Variants in RBFOX1 observed in about 807,000 individuals in gnomAD.
RBFOX1 encodes the protein RNA binding fox-1 homolog 1, also known as RNA binding protein fox-1 homolog 1.
RBFOX1 carries 8 observed loss-of-function variants against 57.7 expected under a neutral mutation model. The observed-to-expected ratio is 0.14, with a 90% CI of 0.08 to 0.25. The LOEUF (loss-of-function observed/expected upper bound fraction) is 0.25, where lower values mean the gene tolerates loss of function less well. Among genes scored for constraint, RBFOX1 ranks in the 10% least tolerant of loss-of-function variants. RBFOX1 has a pLI of 1.00. For missense variants in RBFOX1, 611 were observed against 548.5 expected (o/e 1.11, Z -1.14); for synonymous variants, 326 against 222.4 (o/e 1.47, Z -4.15).
chr16:5,781,275 A>G (rs2054314282), intron 3 of RBFOX1, among the ~76,000 whole-genome samples: 1 of 152,160 alleles, frequency 6.6e-6, no homozygotes, highest in Admixed American at 6.6e-5. Context: ...GTACAGTTTC[A>G]ATTTGCTTAG....
intron 2 of RBFOX1, among the ~76,000 whole-genome samples, chr16:6,406,634 T>C (rs1488049240): frequency 6.6e-6 from 1 of 151,738 alleles, no homozygotes; most frequent in Non-Finnish European, 1.5e-5. Flanking sequence ...TCTGCAGTAA[T>C]AGAATTTTGA....
chr16:5,341,416 A>G (rs1379979763), intron 1 of RBFOX1, among the ~76,000 whole-genome samples: 5 of 152,182 alleles, frequency 3.3e-5, no homozygotes, highest in Non-Finnish European at 7.3e-5. Flanking sequence ...CATGGGGGGT[A>G]GAATGTCGTG....
At chr16:7,663,504 C>CGTGTGT (rs57358282) in intron 12 of RBFOX1, among the ~76,000 whole-genome samples, 5,077 of 148,914 alleles carry the variant, frequency 0.034, 174 homozygotes, top group East Asian at 0.18. Flanking sequence ...GTCAGTACAG[C>CGTGTGT]GTGTGTGTGT....
At chr16:5,714,896 G>A (rs1464497790) in intron 3 of RBFOX1, among the ~76,000 whole-genome samples, 1 of 152,150 alleles carries the variant, frequency 6.6e-6, no homozygotes, top group Non-Finnish European at 1.5e-5. Flanking sequence ...TGACTTCAGT[G>A]TCAAACACAG....
intron 2 of RBFOX1, among the ~76,000 whole-genome samples, chr16:6,394,694 ATG>A (rs560656739): frequency 1.8e-4 from 27 of 151,432 alleles, no homozygotes; most frequent in Middle Eastern, 3.5e-3. Flanking sequence ...GTATTAGATA[ATG>A]TGTGTGTGTG....
At chr16:7,087,564 A>AGGAGGGAGAGAGGGAG (rs2060181824) in intron 4 of RBFOX1, among the ~76,000 whole-genome samples, 1 of 134,670 alleles carries the variant, frequency 7.4e-6, no homozygotes, top group Non-Finnish European at 1.6e-5. Flanking sequence ...GAGAGAGAGA[A>AGGAGGGAGAGAGGGAG]GGAGGGAGAG....
intron 3 of RBFOX1, among the ~76,000 whole-genome samples, chr16:6,754,431 G>T (rs1209060386): frequency 1.3e-5 from 2 of 152,172 alleles, no homozygotes; most frequent in African/African-American, 4.8e-5. Flanking sequence ...TACGGTCGAA[G>T]ATTCAGTGAA....
chr16:5,641,822 G>T (rs898055925), intron 3 of RBFOX1, among the ~76,000 whole-genome samples: 2 of 152,218 alleles, frequency 1.3e-5, no homozygotes, highest in South Asian at 2.1e-4. Context: ...GGCATTTTCT[G>T]TAGGAATCAA....
chr16:6,988,807 C>T (rs149998899), intron 3 of RBFOX1, among the ~76,000 whole-genome samples: 3 of 148,904 alleles, frequency 2.0e-5, no homozygotes, highest in Non-Finnish European at 4.4e-5. Flanking sequence ...GAGTCTTGCT[C>T]ATTGCCCAGG....
At chr16:6,595,178 A>G (rs943697161) in intron 2 of RBFOX1, among the ~76,000 whole-genome samples, 16 of 152,176 alleles carry the variant, frequency 1.1e-4, no homozygotes, top group Non-Finnish European at 1.5e-4. Context: ...TGCTCCAGAA[A>G]GACACGTTGT....
At chr16:6,465,283 T>G (rs1356644955) in intron 2 of RBFOX1, among the ~76,000 whole-genome samples, 1 of 152,138 alleles carries the variant, frequency 6.6e-6, no homozygotes, top group Non-Finnish European at 1.5e-5. Context: ...TGTTGTTAAT[T>G]ATTTTATTTC....
chr16:6,850,897 C>A (rs1325138412), intron 3 of RBFOX1, among the ~76,000 whole-genome samples: 2 of 152,154 alleles, frequency 1.3e-5, no homozygotes, highest in African/African-American at 4.8e-5. Flanking sequence ...AAAATGAAAA[C>A]ACATCCACAA....
chr16:6,277,458 C>CAAAGA (rs2075925370), intron 1 of RBFOX1, among the ~76,000 whole-genome samples: 2 of 80,826 alleles, frequency 2.5e-5, no homozygotes, highest in African/African-American at 9.7e-5. Context: ...GTCTGTCTCC[C>CAAAGA]AAAAAAAAAA....
intron 4 of RBFOX1, among the ~76,000 whole-genome samples, chr16:7,082,182 G>C (rs11640128): frequency 4.1e-4 from 63 of 151,908 alleles, no homozygotes; most frequent in Non-Finnish European, 7.7e-4. Flanking sequence ...GGATATTTTA[G>C]CTACTGCAAC....
chr16:6,765,264 G>C (rs1373341993), intron 3 of RBFOX1, among the ~76,000 whole-genome samples: 1 of 152,088 alleles, frequency 6.6e-6, no homozygotes, highest in Non-Finnish European at 1.5e-5. Context: ...GCCAAGATCT[G>C]GGTTTGATTG....
At chr16:5,938,901 A>G (rs1449334449) in intron 4 of RBFOX1, among the ~76,000 whole-genome samples, 3 of 152,162 alleles carry the variant, frequency 2.0e-5, no homozygotes, top group Non-Finnish European at 4.4e-5. Flanking sequence ...AAATTTTGGG[A>G]TGGCTATTAT....
chr16:7,403,486 T>C lies in RBFOX1; in HGVS notation c.28-114661T>C, dbSNP rs530988394. On this transcript the variant is annotated intron_variant, in intron 4 of 15. Coordinates refer to ENST00000550418, the MANE Select transcript of RBFOX1 (RefSeq NM_018723.4). ...GCATGTAAGTGAGATCTTACAGCGT[T>C]TGTCTTTCTGTGTCTGGTTTATTTT... Among the ~76,000 whole-genome samples, 142 of 152,226 alleles carry C rather than the reference T, an allele frequency of 9.3e-4. 2 individuals carry two copies. The highest frequency in any genetic ancestry group is 3.4e-3 in the African/African-American group (140 of 41,558).
chr16:7,302,685 A>G (rs1432803542), intron 4 of RBFOX1, among the ~76,000 whole-genome samples: 1 of 152,080 alleles, frequency 6.6e-6, no homozygotes, highest in Non-Finnish European at 1.5e-5. Context: ...TATATTAAAA[A>G]AATATGGCTA....
chr16:6,276,860 C>G (rs1393479948), intron 1 of RBFOX1, among the ~76,000 whole-genome samples: 2 of 151,444 alleles, frequency 1.3e-5, no homozygotes, highest in African/African-American at 4.9e-5. Flanking sequence ...GGAATGAAAT[C>G]TCCATGAAGA....
Sources: gnomAD v4.1 joint callset for allele counts (sites outside exome capture counted in the v4.1 genomes callset) on GRCh38, gnomAD v4.1.1 for gene constraint, MANE v1.5 for transcripts, NCBI Gene and HGNC (gene_info 2026-07-23, HGNC 2026-07-21) for gene names.